Variants in HIPK2 observed in about 807,000 individuals in gnomAD.
HIPK2 encodes the protein homeodomain-interacting protein kinase 2.
Under a neutral mutation model 113.7 loss-of-function variants are expected in HIPK2, and 27 were observed. The observed-to-expected ratio is 0.24, with a 90% CI of 0.17 to 0.33. HIPK2 has a LOEUF of 0.33. Among genes scored for constraint, HIPK2 ranks in the 10% least tolerant of loss-of-function variants. The pLI, the probability that HIPK2 is intolerant of heterozygous loss-of-function variation, is 1.00. For synonymous variants in HIPK2, 631 were observed against 642.2 expected (o/e 0.98, Z 0.26); for missense variants, 1,257 against 1,588.0 (o/e 0.79, Z 3.54).
intron 1 of HIPK2, among the ~76,000 whole-genome samples, chr7:139,734,950 C>T (rs1234878649): frequency 6.6e-6 from 1 of 152,070 alleles, no homozygotes; most frequent in South Asian, 2.1e-4. Flanking sequence ...TTTGTGACTC[C>T]AAAATGACGT....
Position 139,583,797 on chromosome 7 carries a change from C to T in HIPK2, c.2965+20G>A, listed in dbSNP as rs772705581. On this transcript the variant is annotated intron_variant, in intron 13 of 14. Coordinates refer to ENST00000406875, the MANE Select transcript of HIPK2 (RefSeq NM_022740.5). Reference sequence around the variant, plus strand: ...CACTCTCCAGGGAGAGGTTCCTGCCCTGTCCTGGCCCCAAATTACCTGGCA... The same window carrying T: ...CACTCTCCAGGGAGAGGTTCCTGCCTTGTCCTGGCCCCAAATTACCTGGCA... 3.1e-6 allele frequency: 5 copies of T among 1,603,966 alleles called. No individual in the cohort carries two copies. Among genetic ancestry groups the T allele is most frequent in the Non-Finnish European group, 4.3e-6 (5 of 1,175,006 alleles).
intron 2 of HIPK2, among the ~76,000 whole-genome samples, chr7:139,713,913 C>T (rs965279452): frequency 5.3e-5 from 8 of 152,218 alleles, no homozygotes; most frequent in Non-Finnish European, 8.8e-5. Context: ...CTGTCGGTAC[C>T]GGGCACCCAA....
rs1019169358 is a variant in HIPK2 at position 139,630,985 on chromosome 7, G to A, written c.1347+180C>T. ...ATAAGGTTGGACTCTCACAGGCGGCGATAGGCCAAGGGAAAGAGGGGCTTC... is the reference window on the plus strand; with the variant it reads ...ATAAGGTTGGACTCTCACAGGCGGCAATAGGCCAAGGGAAAGAGGGGCTTC... On this transcript the variant is annotated intron_variant, in intron 4 of 14. Coordinates refer to ENST00000406875, the MANE Select transcript of HIPK2 (RefSeq NM_022740.5). The surrounding 1 kb of genome is among the most constrained non-coding windows in gnomAD (Gnocchi z 4.0). 4.3e-5 allele frequency: 15 copies of A among 347,012 alleles called. No individual in the cohort carries two copies. The highest frequency in any genetic ancestry group is 1.6e-4 in the African/African-American group (7 of 44,954). 21.5% of individuals were successfully genotyped at this position (347,012 alleles called of 1,614,324 possible). A position where few individuals can be genotyped will look rare whatever the true frequency, so the allele number is the denominator to read the frequency against.
At chr7:139,585,815 T>C (rs550811629) in intron 12 of HIPK2, among the ~76,000 whole-genome samples, 2 of 152,344 alleles carry the variant, frequency 1.3e-5, no homozygotes, top group East Asian at 3.9e-4. Flanking sequence ...GAGAATTCTA[T>C]CAGGGTAAGG....
In HIPK2 at chr7:139,724,032, C is replaced by T. The variant is rs1406820054; in HGVS notation, c.20-7017G>A. ...TTTTTTTTTTTTTCATAATAAAGAA[C>T]TCAAAGGAAGGATTAATTCTCATAT... On this transcript the variant is annotated intron_variant, in intron 1 of 14. Transcript: ENST00000406875. 2.1e-5 allele frequency among the ~76,000 whole-genome samples: 3 copies of T among 144,486 alleles called. 1 individual carries two copies. Among genetic ancestry groups the T allele is most frequent in the South Asian group, 4.4e-4 (2 of 4,592 alleles). The allele number at this position is 144,486 out of a possible 152,430, so 94.8% of individuals were successfully genotyped here.
chr7:139,686,765 C>T (rs1254135418), intron 2 of HIPK2, among the ~76,000 whole-genome samples: 2 of 152,206 alleles, frequency 1.3e-5, no homozygotes, highest in African/African-American at 2.4e-5. Context: ...TGAGAACAGA[C>T]TAATACAATA....
intron 1 of HIPK2, among the ~76,000 whole-genome samples, chr7:139,766,135 C>T (rs1011217256): frequency 1.3e-5 from 2 of 152,178 alleles, no homozygotes; most frequent in African/African-American, 4.8e-5. Context: ...TGCCTGGAGT[C>T]GATCCCATCT....
chr7:139,756,075 A>G (rs1052187942), intron 1 of HIPK2, among the ~76,000 whole-genome samples: 3 of 152,128 alleles, frequency 2.0e-5, no homozygotes, highest in Non-Finnish European at 4.4e-5. Context: ...CAACCAATCA[A>G]TCTCCCTCTG....
intron 1 of HIPK2, among the ~76,000 whole-genome samples, chr7:139,741,879 A>G (rs927998752): frequency 1.3e-5 from 2 of 152,250 alleles, no homozygotes; most frequent in Non-Finnish European, 1.5e-5. Context: ...GAAAACAAAG[A>G]TAAGAACGTG....
At position 139,596,985 on chromosome 7, in the gene HIPK2, A is replaced by G. The variant is rs1799241782; in HGVS notation, c.2449T>C (p.Cys817Arg). The change falls in exon 12 of 15, where the codon TGT (cysteine) becomes CGT (arginine). Residue 817 changes from cysteine to arginine, a missense_variant. Coordinates refer to ENST00000406875, the MANE Select transcript of HIPK2 (RefSeq NM_022740.5). ...HQSSVRNVST[C>R]EVSSSQAISS... ...ATGGCCTGAGAGGAGGACACCTCAC[A>G]GGTGGAGACATTTCTGTAATGAGAA... The G allele has an allele frequency of 1.3e-6, 2 of 1,592,502 alleles. No individual in the cohort carries two copies. The highest frequency in any genetic ancestry group is 1.1e-5 in the South Asian group (1 of 90,652).
intron 1 of HIPK2, among the ~76,000 whole-genome samples, chr7:139,776,417 GTTTTT>G (rs57657915): frequency 4.8e-5 from 7 of 146,340 alleles, no homozygotes; most frequent in African/African-American, 1.7e-4. Flanking sequence ...TTTCTTTTAA[GTTTTT>G]TTTTTTTTAA....
At position 139,583,984 on chromosome 7, in the gene HIPK2, G is replaced by A; in HGVS notation, c.2798C>T (p.Thr933Ile). ...DSPYSDSSSN[T>I]SPYSVQQRAG... ...ACGCTGCTGCACGGAGTAGGGGCTG[G>A]TGTTGCTGGAGGAGTCGGAGTAGGG... Residue 933 changes from threonine to isoleucine, a missense_variant, in exon 13 of 15, where the codon ACC becomes ATC. Physicochemically the swap from Thr to Ile is moderately conservative, Grantham distance 89. Around this residue, in one of 5 missense-constraint regions of HIPK2, gnomAD observed 862 missense variants for 1,004.3 expected, o/e 0.86. Coordinates refer to ENST00000406875, the MANE Select transcript of HIPK2 (RefSeq NM_022740.5). The A allele has an allele frequency of 6.2e-7, 1 of 1,613,988 alleles. No homozygotes were observed. The highest frequency in any genetic ancestry group is 1.1e-5 in the South Asian group (1 of 91,088).
In HIPK2 at chr7:139,565,716, CTTTT is replaced by C. The variant is rs912903969; in HGVS notation, c.*7207_*7210del. ...TCCACCTCTACTTCTTTTTTTTTTT[CTTTT>C]TTTTTTCTTTTTTTTAACAGAAAGA... is the stretch of plus-strand genomic sequence containing the variant. On this transcript the variant is annotated 3_prime_UTR_variant, in exon 15 of 15. Coordinates refer to ENST00000406875, the MANE Select transcript of HIPK2 (RefSeq NM_022740.5). 2 of 131,346 alleles carry C rather than the reference CTTTT, an allele frequency of 1.5e-5. No individual in the cohort carries two copies. Among genetic ancestry groups the C allele is most frequent in the African/African-American group, 2.8e-5 (1 of 35,144 alleles). The allele number at this position is 131,346 out of a possible 1,614,324, so 8.1% of individuals were successfully genotyped here. A position where few individuals can be genotyped will look rare whatever the true frequency, so the allele number is the denominator to read the frequency against.
chr7:139,714,163 T>C lies in HIPK2; in HGVS notation c.1103+1769A>G, dbSNP rs1569479294. On this transcript the variant is annotated intron_variant, in intron 2 of 14. Transcript: ENST00000406875. The surrounding 1 kb of genome is among the most constrained non-coding windows in gnomAD (Gnocchi z 4.2). Reference sequence around the variant, plus strand: ...GTGAAAGCACAGGCCTGTGGAGACCTTTCTGCGCATAGGAAATGAGCGGGA... The same window carrying C: ...GTGAAAGCACAGGCCTGTGGAGACCCTTCTGCGCATAGGAAATGAGCGGGA... Among the ~76,000 whole-genome samples the C allele has an allele frequency of 6.6e-6, 1 of 152,166 alleles. No individual in the cohort carries two copies. Among genetic ancestry groups the C allele is most frequent in the Non-Finnish European group, 1.5e-5 (1 of 68,034 alleles).
At chr7:139,758,638 C>A (rs1796400865) in intron 1 of HIPK2, among the ~76,000 whole-genome samples, 1 of 152,112 alleles carries the variant, frequency 6.6e-6, no homozygotes, top group Admixed American at 6.5e-5. Context: ...GAAGCATGAA[C>A]CCTACTGTGA....
rs574591727 is a variant in HIPK2, at chr7:139,670,488, G to A, written c.1104-38763C>T. Among the ~76,000 whole-genome samples the A allele has an allele frequency of 6.1e-4, 92 of 151,714 alleles. 1 individual carries two copies. The highest frequency in any genetic ancestry group is 7.4e-5 in the Non-Finnish European group (5 of 67,940). On this transcript the variant is annotated intron_variant, in intron 2 of 14. Transcript: ENST00000406875. ...CACACCTGTAGTCCCAGCTACTCCA[G>A]GAGGATTGCTTGAGCCTAGGAGACT...
At chr7:139,711,580 CA>C (rs543819126) in intron 2 of HIPK2, among the ~76,000 whole-genome samples, 1 of 151,366 alleles carries the variant, frequency 6.6e-6, no homozygotes, top group Non-Finnish European at 1.5e-5. Context: ...GAGTAGAAAC[CA>C]AAAAAAATCT....
In HIPK2 at chr7:139,578,793, T is replaced by G. The variant is rs188306097; in HGVS notation, c.2966-3505A>C. On this transcript the variant is annotated intron_variant, in intron 13 of 14. Transcript: ENST00000406875. ...TCAAGTGATCCTCCAGCCTCAGCCT[T>G]CCGAGTAGCTGGGATTACAGGTGTG... is the stretch of plus-strand genomic sequence containing the variant. Among the ~76,000 whole-genome samples, 1,110 of 152,202 alleles carry G rather than the reference T, an allele frequency of 7.3e-3. 5 individuals carry two copies. The highest frequency in any genetic ancestry group is 0.022 in the South Asian group (106 of 4,820).
intron 2 of HIPK2, among the ~76,000 whole-genome samples, chr7:139,664,534 CA>C (rs200462058): frequency 4.5e-4 from 65 of 145,630 alleles, no homozygotes; most frequent in East Asian, 4.4e-3. Context: ...GAGACTGTCT[CA>C]AAAAAAAAAA....
Sources: allele counts gnomAD v4.1 joint callset (sites outside exome capture counted in the v4.1 genomes callset), GRCh38; gene constraint gnomAD v4.1.1; regional missense constraint gnomAD v4.1.1; non-coding constraint Gnocchi (gnomAD v3.1); transcripts MANE v1.5; gene names NCBI Gene and HGNC (gene_info 2026-07-23, HGNC 2026-07-21).